The following HMCN1 variants were observed in gnomAD, a reference collection of about 807,000 sequenced individuals.
HMCN1 encodes hemicentin 1.
A neutral mutation model predicts 625.9 loss-of-function variants in HMCN1; 321 were observed. That is an observed-to-expected ratio of 0.51 (90% CI 0.47 to 0.56). HMCN1 has a LOEUF of 0.56. Ranked by LOEUF, HMCN1 falls within the 20% of genes least tolerant of loss-of-function variation. The pLI is 0.00. For synonymous variants in HMCN1, 2,425 were observed against 2,417.6 expected, an observed-to-expected ratio of 1.00 and a Z score of -0.09; for missense variants, 6,588 against 6,887.3, an observed-to-expected ratio of 0.96 and a Z score of 1.54.
intron 21 of HMCN1, 89 bp downstream of exon 21, chr1:185,989,736 A>AGTTCACTTTAGGGGTACATGCATC: frequency 8.3e-7 from 1 of 1,210,748 alleles, no homozygotes; most frequent in Non-Finnish European, 1.2e-6. Flanking sequence ...TACCAGATGC[A>AGTTCACTTTAGGGGTACATGCATC]TGTACCCCTA....
rs1657249123 is a variant in HMCN1, at chr1:186,055,466, G to A, written c.6936G>A (p.Leu2312=). Residue 2312 remains leucine, a synonymous_variant, in exon 45 of 107, where the codon TTG becomes TTA. Coordinates refer to ENST00000271588, the MANE Select transcript of HMCN1 (RefSeq NM_031935.3). The stretch of plus-strand genomic sequence containing the variant: ...TGACCCGAGGGAAGAGTATCTCCTT[G>A]GAGTGTGAGGTGCAGGGTATTCCAC... ...IIVTRGKSIS[L]ECEVQGIPPP... is the part of the protein sequence containing the mutation. The A allele has an allele frequency of 6.2e-7, 1 of 1,612,628 alleles. No individual in the cohort carries two copies.
At chr1:185,762,955 ATTTG>A (rs554475953) in intron 1 of HMCN1, among the ~76,000 whole-genome samples, 101 of 152,104 alleles carry the variant, frequency 6.6e-4, no homozygotes, top group Admixed American at 1.2e-3. Context: ...TGGCTAACTT[ATTTG>A]TTTCTTTCTT....
chr1:186,057,606 C>T (rs1172610377), intron 46 of HMCN1, among the ~76,000 whole-genome samples: 1 of 151,758 alleles, frequency 6.6e-6, no homozygotes, highest in East Asian at 1.9e-4. Flanking sequence ...TCTCTAGACC[C>T]CTTTAAAAAA....
chr1:185,924,009 C>A (rs1183103496), intron 8 of HMCN1, among the ~76,000 whole-genome samples: 1 of 152,124 alleles, frequency 6.6e-6, no homozygotes, highest in Non-Finnish European at 1.5e-5. Flanking sequence ...CAGAAACTTT[C>A]TGCTCCATAG....
At chr1:185,956,195 G>C (rs895270540) in intron 11 of HMCN1, among the ~76,000 whole-genome samples, 41 of 152,010 alleles carry the variant, frequency 2.7e-4, no homozygotes, top group African/African-American at 9.4e-4. Flanking sequence ...CAGATATGTG[G>C]GATTTTTTTT....
At chr1:185,815,908 G>A (rs1037613465) in intron 1 of HMCN1, among the ~76,000 whole-genome samples, 1 of 149,922 alleles carries the variant, frequency 6.7e-6, no homozygotes, top group Non-Finnish European at 1.5e-5. Flanking sequence ...ACTTGATAAT[G>A]CTGTTTCTCT....
chr1:186,033,618 T>G (rs1655628127), intron 36 of HMCN1, among the ~76,000 whole-genome samples: 1 of 152,150 alleles, frequency 6.6e-6, no homozygotes, highest in African/African-American at 2.4e-5. Context: ...AAAAAAAATT[T>G]CCCATCCGTG....
At chr1:186,118,944 C>CT (rs1661258625) in intron 77 of HMCN1, among the ~76,000 whole-genome samples, 3 of 152,042 alleles carry the variant, frequency 2.0e-5, no homozygotes, top group African/African-American at 7.3e-5. Flanking sequence ...TTGCATAACT[C>CT]TAAGTATACT....
At chr1:185,999,949 G>T in intron 25 of HMCN1, 96 bp from the exon 26 acceptor site, 1 of 836,620 alleles carries the variant, frequency 1.2e-6, no homozygotes, top group South Asian at 1.7e-5. Context: ...ATAAATTATT[G>T]TCATAACAAA....
Position 186,145,943 on chromosome 1 carries a change from T to G in HMCN1, c.14608+20T>G. On this transcript the variant is annotated intron_variant, in intron 93 of 106. Transcript: ENST00000271588. ...GTCCAGGTAAGCAACTAAATTGGAC[T>G]TTGGTAGCACATTTAGAGCCTTTGT... 1 of 1,612,730 alleles carries G rather than the reference T, an allele frequency of 6.2e-7. No individual in the cohort carries two copies. Among genetic ancestry groups the G allele is most frequent in the Non-Finnish European group, 8.5e-7 (1 of 1,179,218 alleles).
At chr1:186,160,835 T>G (rs1191175212) in intron 97 of HMCN1, among the ~76,000 whole-genome samples, 1 of 150,790 alleles carries the variant, frequency 6.6e-6, no homozygotes, top group Non-Finnish European at 1.5e-5. Context: ...AGAGCTTTAC[T>G]TCCAAGTATG....
chr1:186,026,146 T>C (rs1401770341), intron 36 of HMCN1, among the ~76,000 whole-genome samples: 4 of 152,208 alleles, frequency 2.6e-5, no homozygotes, highest in South Asian at 2.1e-4. Flanking sequence ...CTCTGTCCTC[T>C]TCAATACTTG....
In HMCN1 at chr1:185,970,484, G is replaced by A. The variant is rs377369461; in HGVS notation, c.2362G>A (p.Asp788Asn). The change falls in exon 15 of 107, where the codon GAT (aspartate) becomes AAT (asparagine). Residue 788 changes from aspartate to asparagine, a missense_variant. Physicochemically the swap from Asp to Asn is conservative, Grantham distance 23. This residue lies in a region of HMCN1 where 4,628 missense variants were observed against 4,853.1 expected (regional missense o/e 0.95). Transcript: ENST00000271588. ...AGRATGKITL[D>N]VGSPPVFIQE... ...AAGAGCAACTGGCAAGATAACTCTG[G>A]ATGTTGGCTGTAAGCCTCCAGATCT... 3.6e-5 allele frequency: 58 copies of A among 1,613,490 alleles called. No homozygotes were observed. Among genetic ancestry groups the A allele is most frequent in the Non-Finnish European group, 4.6e-5 (54 of 1,179,584 alleles).
intron 36 of HMCN1, among the ~76,000 whole-genome samples, chr1:186,033,064 G>T (rs918970395): frequency 2.9e-5 from 4 of 140,314 alleles, no homozygotes; most frequent in Non-Finnish European, 6.4e-5. Context: ...ATACACACAC[G>T]CACACACACA....
chr1:185,950,054 C>T (rs1356838178), intron 11 of HMCN1, among the ~76,000 whole-genome samples: 3 of 151,356 alleles, frequency 2.0e-5, no homozygotes, highest in Non-Finnish European at 4.4e-5. Flanking sequence ...ATAAATCAAG[C>T]GTGATCAGGG....
rs146392053 is a variant in HMCN1 at position 186,153,808 on chromosome 1, G to A, written c.15077G>A (p.Arg5026Gln). 7.2e-5 allele frequency: 117 copies of A among 1,614,070 alleles called. No individual in the cohort carries two copies. Among genetic ancestry groups the A allele is most frequent in the East Asian group, 3.3e-4 (15 of 44,878 alleles). Residue 5026 changes from arginine (R) to glutamine (Q), a missense_variant, in exon 97 of 107, where the codon CGG becomes CAG. By Grantham distance (43) the Arg-to-Gln change is conservative. Transcript: ENST00000271588. ...GPGQLYAYST[R>Q]LFTIDGISIP... ...GGGCAGCTGTACGCCTACTCAACCC[G>A]GCTGTTCACCATTGATGGCATCAGC...
chr1:186,053,545 C>T (rs1205780946), intron 43 of HMCN1, among the ~76,000 whole-genome samples: 1 of 151,960 alleles, frequency 6.6e-6, no homozygotes, highest in African/African-American at 2.4e-5. Flanking sequence ...CTGTTTGTGA[C>T]AGTTTTCAAT....
At chr1:186,158,267 C>T (rs376909519) in intron 97 of HMCN1, among the ~76,000 whole-genome samples, 4,607 of 150,598 alleles carry the variant, frequency 0.031, 122 homozygotes, top group Admixed American at 0.095. Context: ...TCATGTCCTT[C>T]GCCCACTTTT....
At chr1:185,827,137 A>G (rs947487315) in intron 1 of HMCN1, among the ~76,000 whole-genome samples, 1 of 148,290 alleles carries the variant, frequency 6.7e-6, no homozygotes, top group Admixed American at 6.9e-5. Context: ...ATGCCACTGC[A>G]CTCCAGCCTG....
Sources: allele counts gnomAD v4.1 joint callset (sites outside exome capture counted in the v4.1 genomes callset), GRCh38; gene constraint gnomAD v4.1.1; regional missense constraint gnomAD v4.1.1; transcripts MANE v1.5; gene names NCBI Gene and HGNC (gene_info 2026-07-23, HGNC 2026-07-21).